GRM5: variants seen among roughly 807,000 people sequenced by gnomAD.
GRM5 encodes glutamate metabotropic receptor 5.
A neutral mutation model predicts 83.1 loss-of-function variants in GRM5; 19 were observed. The ratio of observed to expected loss-of-function variants is 0.23; its 90% CI spans 0.16 to 0.34. The LOEUF is 0.34. GRM5 is among the 10% of genes least tolerant of loss of function. GRM5 has a pLI of 1.00. For synonymous variants in GRM5, 675 were observed against 633.6 expected, an observed-to-expected ratio of 1.07 and a Z score of -0.98; for missense variants, 1,160 against 1,588.3, an observed-to-expected ratio of 0.73 and a Z score of 4.58.
At chr11:88,987,040 A>G (rs1390694942) in intron 2 of GRM5, among the ~76,000 whole-genome samples, 3 of 152,054 alleles carry the variant, frequency 2.0e-5, no homozygotes, top group African/African-American at 7.2e-5. Flanking sequence ...TCCGGTCTAC[A>G]GCTCCCAGCG....
chr11:88,892,003 G>T (rs1252357920), intron 2 of GRM5, among the ~76,000 whole-genome samples: 2 of 152,136 alleles, frequency 1.3e-5, no homozygotes, highest in East Asian at 3.9e-4. Context: ...TGAACTATGT[G>T]CAGCCTTTAA....
chr11:88,769,387 T>A (rs1253202753), intron 3 of GRM5, among the ~76,000 whole-genome samples: 1 of 18,132 alleles, frequency 5.5e-5, no homozygotes, highest in Non-Finnish European at 1.9e-4. Context: ...TTGCCAACTG[T>A]TAAGTGTCTA....
intron 3 of GRM5, among the ~76,000 whole-genome samples, chr11:88,823,299 CTTCCTTTGTG>C (rs1943833712): frequency 6.6e-6 from 1 of 150,950 alleles, no homozygotes; most frequent in South Asian, 2.1e-4. Context: ...ATGTAAAATG[CTTCCTTTGTG>C]GAAGCATTTC....
At chr11:88,848,844 T>C (rs1273351927) in intron 3 of GRM5, among the ~76,000 whole-genome samples, 2 of 152,172 alleles carry the variant, frequency 1.3e-5, no homozygotes, top group African/African-American at 4.8e-5. Flanking sequence ...TAAAGCAGAT[T>C]GCCCTCTCTA....
chr11:89,046,850 G>A (rs149301082), intron 2 of GRM5, among the ~76,000 whole-genome samples: 162 of 152,020 alleles, frequency 1.1e-3, no homozygotes, highest in African/African-American at 3.4e-3. Context: ...TAGAACAATC[G>A]CGAAATGACA....
At chr11:89,008,675 T>C (rs1201543651) in intron 2 of GRM5, among the ~76,000 whole-genome samples, 2 of 152,114 alleles carry the variant, frequency 1.3e-5, no homozygotes, top group Non-Finnish European at 2.9e-5. Context: ...TAGGCACTTA[T>C]GTGGGAGAAA....
chr11:88,515,818 G>A (rs1941504616), intron 9 of GRM5, among the ~76,000 whole-genome samples: 1 of 152,204 alleles, frequency 6.6e-6, no homozygotes, highest in South Asian at 2.1e-4. Context: ...TTTGTGTCTA[G>A]AAGCTGCTGC....
At chr11:88,757,174 A>G (rs541704258) in intron 3 of GRM5, among the ~76,000 whole-genome samples, 141 of 152,300 alleles carry the variant, frequency 9.3e-4, no homozygotes, top group African/African-American at 3.3e-3. Flanking sequence ...CCGATCTGTC[A>G]AATGAGAATT....
chr11:88,541,779 T>C (rs529681278), intron 8 of GRM5, among the ~76,000 whole-genome samples: 4 of 152,364 alleles, frequency 2.6e-5, no homozygotes, highest in South Asian at 2.1e-4. Context: ...AAGACACTTA[T>C]ATGGTTTGGC....
chr11:88,757,020 G>T (rs1942408129), intron 3 of GRM5, among the ~76,000 whole-genome samples: 1 of 152,002 alleles, frequency 6.6e-6, no homozygotes, highest in African/African-American at 2.4e-5. Context: ...AACACAAAGA[G>T]AAAATCTTGA....
At chr11:88,811,236 A>G (rs1943583915) in intron 3 of GRM5, among the ~76,000 whole-genome samples, 1 of 152,148 alleles carries the variant, frequency 6.6e-6, no homozygotes, top group East Asian at 1.9e-4. Flanking sequence ...GAGGACAAAT[A>G]ACAGAAGATT....
chr11:88,998,878 A>G (rs538847818), intron 2 of GRM5, among the ~76,000 whole-genome samples: 1 of 152,340 alleles, frequency 6.6e-6, no homozygotes, highest in East Asian at 1.9e-4. Flanking sequence ...CTTTTTCTAT[A>G]TATAGACAAG....
At chr11:88,948,612 T>C (rs368237784) in intron 2 of GRM5, among the ~76,000 whole-genome samples, 2 of 152,264 alleles carry the variant, frequency 1.3e-5, no homozygotes, top group African/African-American at 4.8e-5. Flanking sequence ...AGAAGTTTTA[T>C]GACGGTACAT....
At chr11:88,722,915 T>C (rs1450781655) in intron 3 of GRM5, among the ~76,000 whole-genome samples, 3 of 152,196 alleles carry the variant, frequency 2.0e-5, no homozygotes, top group Admixed American at 2.0e-4. Context: ...GTGTTGTACA[T>C]GCTATGGCTT....
intron 6 of GRM5, among the ~76,000 whole-genome samples, chr11:88,592,844 G>A (rs1213651705): frequency 6.6e-6 from 1 of 152,120 alleles, no homozygotes; most frequent in Admixed American, 6.5e-5. Flanking sequence ...ACAGAGTCTT[G>A]CATTGTTGCT....
chr11:88,807,746 T>C (rs1384008510), intron 3 of GRM5, among the ~76,000 whole-genome samples: 2 of 152,078 alleles, frequency 1.3e-5, no homozygotes, highest in Non-Finnish European at 2.9e-5. Context: ...ATTTTCTTCA[T>C]ATAAACTACT....
chr11:88,999,075 AC>A (rs1940285061), intron 2 of GRM5, among the ~76,000 whole-genome samples: 1 of 152,194 alleles, frequency 6.6e-6, no homozygotes, highest in African/African-American at 2.4e-5. Flanking sequence ...TACACCTTAT[AC>A]AAAAATCAAT....
At chr11:88,986,272 T>C (rs1335830169) in intron 2 of GRM5, among the ~76,000 whole-genome samples, 9 of 152,172 alleles carry the variant, frequency 5.9e-5, no homozygotes, top group Admixed American at 3.9e-4. Flanking sequence ...GTTCAATTTA[T>C]ATAACATTCT....
intron 2 of GRM5, among the ~76,000 whole-genome samples, chr11:88,869,894 T>A (rs1301033499): frequency 6.6e-6 from 1 of 151,592 alleles, no homozygotes; most frequent in Non-Finnish European, 1.5e-5. Flanking sequence ...TAGTGGCCCC[T>A]ACTATATCCC....
Sources: allele counts gnomAD v4.1 joint callset (sites outside exome capture counted in the v4.1 genomes callset), GRCh38; gene constraint gnomAD v4.1.1; transcripts MANE v1.5; gene names NCBI Gene and HGNC (gene_info 2026-07-23, HGNC 2026-07-21).